ACAP1: variants seen among roughly 807,000 people sequenced by gnomAD.
ACAP1 encodes the protein ArfGAP with coiled-coil, ankyrin repeat and PH domains 1.
Under a neutral mutation model 98.8 loss-of-function variants are expected in ACAP1, and 45 were observed. That is an observed-to-expected ratio of 0.46 (90% CI 0.36 to 0.58). The LOEUF (loss-of-function observed/expected upper bound fraction) is 0.58, where lower values mean the gene tolerates loss of function less well. ACAP1 is among the 20% of genes least tolerant of loss of function. The pLI is 0.00. For missense variants in ACAP1, 735 were observed against 971.4 expected (o/e 0.76, Z 3.24); for synonymous variants, 362 against 375.3 (o/e 0.96, Z 0.41).
chr17:7,337,531 G>A (rs1204073873), intron 2 of ACAP1, among the ~76,000 whole-genome samples, 162 bp downstream of exon 2: 1 of 152,124 alleles, frequency 6.6e-6, no homozygotes, highest in African/African-American at 2.4e-5. Flanking sequence ...GTTCTGTACC[G>A]ACAAGAAGCT....
rs879175231 is a variant in ACAP1 at position 7,337,441 on chromosome 17, A to G, written c.111+72A>G. Reference sequence around the variant, plus strand: ...GGGGTAGGGCCAGGGAGAAAGCTGGAGACACAGAATGCATCCCAGGGATTA... The same window carrying G: ...GGGGTAGGGCCAGGGAGAAAGCTGGGGACACAGAATGCATCCCAGGGATTA... On this transcript the variant is annotated intron_variant, in intron 2 of 21. Transcript: ENST00000158762. The G allele has an allele frequency of 2.2e-6, 3 of 1,373,904 alleles. No homozygotes were observed. The South Asian group carries it at 3.5e-5, about 16-fold the overall frequency. The allele number at this position is 1,373,904 out of a possible 1,614,324, so 85.1% of individuals were successfully genotyped here.
intron 21 of ACAP1, 22 bp downstream of exon 21, chr17:7,351,021 C>T (rs754737147): frequency 2.5e-6 from 4 of 1,610,034 alleles, no homozygotes; most frequent in Non-Finnish European, 3.4e-6. Context: ...ACCCACCCCA[C>T]CCCCCAGGCC....
rs538307560 is a variant in ACAP1 at position 7,343,868 on chromosome 17, G to A, written c.581G>A (p.Arg194His). The change falls in exon 8 of 22, where the codon CGT becomes CAT. Residue 194 changes from arginine to histidine, a missense_variant. By Grantham distance (29) the Arg-to-His change is conservative (BLOSUM62 0). Transcript: ENST00000158762. This position sits in a 1 kb window ranked among gnomAD's most constrained non-coding sequence, Gnocchi z 4.9. ...RKFDIMEFVL[R>H]LVEAQATHFQ... ...GCCCGCCTTGTCCCCCAGGTGCTGCGTTTGGTGGAGGCCCAGGCTACCCAT... is the reference window on the plus strand; with the variant it reads ...GCCCGCCTTGTCCCCCAGGTGCTGCATTTGGTGGAGGCCCAGGCTACCCAT... The A allele has an allele frequency of 2.3e-5, 37 of 1,613,824 alleles. No individual in the cohort carries two copies. The South Asian group carries it at 2.5e-4, about 11-fold the overall frequency.
In ACAP1 at chr17:7,343,347, G is replaced by A. The variant is rs1302272081; in HGVS notation, c.345-32G>A. The A allele has an allele frequency of 1.3e-6, 2 of 1,590,880 alleles. No individual in the cohort carries two copies. Among genetic ancestry groups the A allele is most frequent in the African/African-American group, 2.7e-5 (2 of 74,400 alleles). Reference sequence around the variant, plus strand: ...GCTCTGCTGGGGCAGGTGGGTGTTAGCTGCGATTCTGTGTTATTTTCCCAT... The same window carrying A: ...GCTCTGCTGGGGCAGGTGGGTGTTAACTGCGATTCTGTGTTATTTTCCCAT... On this transcript the variant is annotated intron_variant, in intron 5 of 21. Transcript: ENST00000158762. The surrounding 1 kb of genome is among the most constrained non-coding windows in gnomAD (Gnocchi z 4.9).
At position 7,344,675 on chromosome 17, in the gene ACAP1, C is replaced by T. The variant is rs11868674; in HGVS notation, c.854+27C>T. On this transcript the variant is annotated intron_variant, in intron 10 of 21. Coordinates refer to ENST00000158762, the MANE Select transcript of ACAP1 (RefSeq NM_014716.4). This position sits in a 1 kb window ranked among gnomAD's most constrained non-coding sequence, Gnocchi z 4.9. ...TGAGGAGAGGACACCCCCAATCAGC[C>T]CGCCCCACCCAATGATGTATTTTCG... 3,619 of 1,491,716 alleles carry T rather than the reference C, an allele frequency of 2.4e-3. 75 individuals carry two copies. In the African/African-American group the frequency reaches 0.044, roughly 18 times the overall value. The allele number at this position is 1,491,716 out of a possible 1,614,324, so 92.4% of individuals were successfully genotyped here. A position where few individuals can be genotyped will look rare whatever the true frequency, so the allele number is the denominator to read the frequency against.
chr17:7,348,875 G>A (rs2073374756), intron 17 of ACAP1, 120 bp from the exon 18 acceptor site: 2 of 950,156 alleles, frequency 2.1e-6, no homozygotes, highest in Non-Finnish European at 3.2e-6. Context: ...TCCCTCCACA[G>A]TCCCAAGCTC....
intron 17 of ACAP1, chr17:7,348,788 C>T (rs535406499): frequency 2.9e-5 from 17 of 590,214 alleles, no homozygotes; most frequent in South Asian, 2.4e-4. Context: ...GTGATGATGC[C>T]GTCTCTCCCC....
intron 2 of ACAP1, 39 bp downstream of exon 2, chr17:7,337,408 G>C: frequency 6.3e-7 from 1 of 1,575,106 alleles, no homozygotes; most frequent in African/African-American, 1.3e-5. Flanking sequence ...GAGTGGATTA[G>C]GTTGAGAGGG....
chr17:7,346,310 G>T lies in ACAP1; in HGVS notation c.906+15G>T. The T allele has an allele frequency of 1.2e-6, 2 of 1,614,198 alleles. No individual in the cohort carries two copies. ...AGAAGTACAAGGTGAGTGGACCTGGGTCCTGGATGCCTGGGCCCCAGGGAG... is the reference window on the plus strand; with the variant it reads ...AGAAGTACAAGGTGAGTGGACCTGGTTCCTGGATGCCTGGGCCCCAGGGAG... On this transcript the variant is annotated intron_variant, in intron 11 of 21. Coordinates refer to ENST00000158762, the MANE Select transcript of ACAP1 (RefSeq NM_014716.4).
At chr17:7,348,666 C>A in intron 17 of ACAP1, 191 bp downstream of exon 17, 1 of 662,790 alleles carries the variant, frequency 1.5e-6, no homozygotes, top group Non-Finnish European at 2.4e-6. Context: ...TGGGCGTGGG[C>A]AGGGAGGGTA....
intron 2 of ACAP1, among the ~76,000 whole-genome samples, chr17:7,340,814 C>T (rs979093238): frequency 6.6e-6 from 1 of 152,134 alleles, no homozygotes; most frequent in Non-Finnish European, 1.5e-5. Flanking sequence ...CCATTGCACT[C>T]CAGCTTGGGC....
At chr17:7,341,363 T>C (rs918376109) in intron 2 of ACAP1, among the ~76,000 whole-genome samples, 3 of 152,194 alleles carry the variant, frequency 2.0e-5, no homozygotes, top group African/African-American at 4.8e-5. Flanking sequence ...TGCCTTAGCC[T>C]CCCAAGTAGC....
rs2073328139 is a variant in ACAP1 at position 7,344,484 on chromosome 17, T to C, written c.745-55T>C. ...GGGCTGTGGGCAGGAGGCAGATGCC[T>C]ATGGCCTTGGTGTCTGCCCATCTCA... On this transcript the variant is annotated intron_variant, in intron 9 of 21. Transcript: ENST00000158762. The surrounding 1 kb of genome is among the most constrained non-coding windows in gnomAD (Gnocchi z 4.9). 6 of 1,306,996 alleles carry C rather than the reference T, an allele frequency of 4.6e-6. No individual in the cohort carries two copies. In the African/African-American group the frequency reaches 7.3e-5, roughly 16 times the overall value. The allele number at this position is 1,306,996 out of a possible 1,614,324, so 81.0% of individuals were successfully genotyped here.
At position 7,348,774 on chromosome 17, in the gene ACAP1, T is replaced by A. The variant is rs1270593209; in HGVS notation, c.1679-221T>A. 7 of 588,036 alleles carry A rather than the reference T, an allele frequency of 1.2e-5. No individual in the cohort carries two copies. The East Asian group carries it at 1.7e-4, about 14-fold the overall frequency. The allele number at this position is 588,036 out of a possible 1,614,324, so 36.4% of individuals were successfully genotyped here. A position where few individuals can be genotyped will look rare whatever the true frequency, so the allele number is the denominator to read the frequency against. On this transcript the variant is annotated intron_variant, in intron 17 of 21. Transcript: ENST00000158762. ...TGAGGCCAAGTGTGGTTGGACCAGA[T>A]GAGGTGATGATGCCGTCTCTCCCCC... is the stretch of plus-strand genomic sequence containing the variant.
intron 15 of ACAP1, 64 bp downstream of exon 15, chr17:7,348,055 C>T: frequency 6.2e-7 from 1 of 1,609,594 alleles, no homozygotes; most frequent in Non-Finnish European, 8.5e-7. Flanking sequence ...CATGGCGGTG[C>T]AGGGGCGTGA....
chr17:7,347,424 G>A (rs1000474112), intron 14 of ACAP1, 182 bp downstream of exon 14: 11 of 619,718 alleles, frequency 1.8e-5, no homozygotes, highest in Non-Finnish European at 2.4e-5. Context: ...GACCCAGGCG[G>A]GCCTAGCCCC....
In ACAP1 at chr17:7,348,409, G is replaced by A. The variant is rs373008424; in HGVS notation, c.1612G>A (p.Gly538Arg). The change falls in exon 17 of 22, where the codon GGG becomes AGG. Residue 538 changes from glycine to arginine, a missense_variant. By Grantham distance (125) the Gly-to-Arg change is moderately radical. This residue lies in a region of ACAP1 where 80 missense variants were observed against 64.4 expected (regional missense o/e 1.24). Transcript: ENST00000158762. ...AAGAGGTGGCCGGGGGCGCCCAAGG[G>A]GGCAGCCTCCTGTGCCCCCAAAGCC... The part of the protein sequence containing the change: ...GRRGGRGRPR[G>R]QPPVPPKPSI... 2.6e-6 allele frequency: 4 copies of A among 1,539,210 alleles called. No homozygotes were observed. The highest frequency in any genetic ancestry group is 4.6e-5 in the East Asian group (2 of 43,842).
chr17:7,342,697 C>T (rs1395341090), intron 5 of ACAP1: 7 of 584,686 alleles, frequency 1.2e-5, no homozygotes, highest in East Asian at 8.6e-5. Flanking sequence ...GTCGGGAGTT[C>T]GAGACCAGCC....
chr17:7,347,280 C>T (rs1219934574), intron 14 of ACAP1, 38 bp downstream of exon 14: 8 of 1,568,702 alleles, frequency 5.1e-6, no homozygotes, highest in Non-Finnish European at 6.1e-6. Flanking sequence ...CCCACTCCTT[C>T]GGGCCACAGT....
Sources: gnomAD v4.1 joint callset for allele counts (sites outside exome capture counted in the v4.1 genomes callset) on GRCh38, gnomAD v4.1.1 for gene constraint, gnomAD v4.1.1 regional missense constraint, Gnocchi (gnomAD v3.1) non-coding constraint, MANE v1.5 for transcripts, NCBI Gene and HGNC (gene_info 2026-07-23, HGNC 2026-07-21) for gene names.